Variants in WDR31 observed in about 807,000 individuals in gnomAD.
WDR31 encodes WD repeat domain 31.
Under a neutral mutation model 47.3 loss-of-function variants are expected in WDR31, and 30 were observed. The observed-to-expected ratio is 0.63, with a 90% CI of 0.47 to 0.86. WDR31 has a LOEUF of 0.86. WDR31 is among the 40% of genes least tolerant of loss of function. The pLI is 0.00. For synonymous variants in WDR31, 137 were observed against 159.4 expected, an observed-to-expected ratio of 0.86 and a Z score of 1.06; for missense variants, 406 against 442.9, an observed-to-expected ratio of 0.92 and a Z score of 0.75.
At chr9:113,338,726 C>G (rs996691126) in intron 1 of WDR31, among the ~76,000 whole-genome samples, 1 of 151,884 alleles carries the variant, frequency 6.6e-6, no homozygotes, top group Non-Finnish European at 1.5e-5. Context: ...TCAAGCGATT[C>G]TCCAGCCTCA....
intron 2 of WDR31, among the ~76,000 whole-genome samples, chr9:113,334,610 G>C (rs551649178): frequency 8.0e-5 from 12 of 150,760 alleles, no homozygotes; most frequent in African/African-American, 2.9e-4. Flanking sequence ...CGTGATCTCA[G>C]CCCACTGCAA....
intron 3 of WDR31, among the ~76,000 whole-genome samples, chr9:113,331,639 G>GTA (rs1260234791): frequency 6.6e-6 from 1 of 152,154 alleles, no homozygotes; most frequent in Non-Finnish European, 1.5e-5. Flanking sequence ...TAGAGATGGG[G>GTA]TTTCGCCATG....
intron 2 of WDR31, among the ~76,000 whole-genome samples, chr9:113,335,911 G>A (rs1430760356): frequency 6.6e-6 from 1 of 152,218 alleles, no homozygotes; most frequent in East Asian, 1.9e-4. Context: ...GGCTTGCACA[G>A]TACTGTACAA....
rs562902317 is a variant in WDR31, at chr9:113,329,825, T to C, written c.250-870A>G. Among the ~76,000 whole-genome samples the C allele has an allele frequency of 4.0e-5, 6 of 151,138 alleles. No homozygotes were observed. In the East Asian group the frequency reaches 1.2e-3, roughly 30 times the overall value. On this transcript the variant is annotated intron_variant, in intron 4 of 10. Transcript: ENST00000374193. ...CCCATCTCTACTAAAAAAAATAAAA[T>C]ACAAAATTAGCCGAGTGTGGTGGCA... is the stretch of plus-strand genomic sequence containing the variant.
At chr9:113,336,172 C>G (rs899782304) in intron 2 of WDR31, 116 bp downstream of exon 2, 1 of 152,190 alleles carries the variant, frequency 6.6e-6, no homozygotes, top group Non-Finnish European at 1.5e-5. Context: ...ATTGCAGATG[C>G]TATAAATGGA....
At chr9:113,339,962 T>G (rs10481673) in intron 1 of WDR31, among the ~76,000 whole-genome samples, 3,374 of 152,256 alleles carry the variant, frequency 0.022, 132 homozygotes, top group African/African-American at 0.077. Flanking sequence ...CTCGAACTCC[T>G]GAGCTCAGGC....
intron 1 of WDR31, among the ~76,000 whole-genome samples, 177 bp downstream of exon 1, chr9:113,340,040 C>T (rs2118878554): frequency 6.6e-6 from 1 of 152,310 alleles, no homozygotes; most frequent in Non-Finnish European, 1.5e-5. Context: ...CGGCCTAAAG[C>T]TTATTTTTTA....
At chr9:113,333,616 C>G (rs1371835939) in intron 2 of WDR31, among the ~76,000 whole-genome samples, 1 of 151,282 alleles carries the variant, frequency 6.6e-6, no homozygotes, top group African/African-American at 2.4e-5. Flanking sequence ...CTCCTGACCT[C>G]ATGATCCACC....
rs1463144746 is a variant in WDR31 at position 113,318,591 on chromosome 9, C to T, written c.827G>A (p.Gly276Glu). 2 of 1,614,156 alleles carry T rather than the reference C, an allele frequency of 1.2e-6. No individual in the cohort carries two copies. ...GCAGGATGCGACAGTCTGGAAATGC[C>T]CCTTATACTCACATATTCTGTTTCG... ...QTRNRICEYK[G>E]HFQTVASCVF... The change falls in exon 10 of 11, where the codon GGG becomes GAG. Residue 276 changes from glycine to glutamate, a missense_variant. By Grantham distance (98) the Gly-to-Glu change is moderately conservative. Transcript: ENST00000374193.
At chr9:113,320,539 T>C (rs745527960) in intron 8 of WDR31, 41 bp from the exon 9 acceptor site, 1 of 1,602,460 alleles carries the variant, frequency 6.2e-7, no homozygotes, top group Non-Finnish European at 8.5e-7. Flanking sequence ...GTAGTAAATG[T>C]GGCTGAAATA....
intron 2 of WDR31, among the ~76,000 whole-genome samples, chr9:113,333,953 T>C (rs1282149714): frequency 6.6e-6 from 1 of 151,294 alleles, no homozygotes; most frequent in Non-Finnish European, 1.5e-5. Flanking sequence ...CTCTCCTCCT[T>C]CTTCCTTCTT....
chr9:113,325,932 A>G (rs1833452601), intron 5 of WDR31, among the ~76,000 whole-genome samples: 1 of 151,320 alleles, frequency 6.6e-6, no homozygotes, highest in African/African-American at 2.4e-5. Flanking sequence ...ATTTTTTGAG[A>G]TGGAGTTTCC....
intron 2 of WDR31, 95 bp from the exon 3 acceptor site, chr9:113,332,145 T>A: frequency 1.2e-6 from 1 of 851,420 alleles, no homozygotes; most frequent in Non-Finnish European, 1.8e-6. Context: ...ATTAATTGTA[T>A]GCTTTTGCTT....
Position 113,316,928 on chromosome 9 carries a change from C to T in WDR31, c.944-19G>A, listed in dbSNP as rs1408350541. 4 of 1,611,214 alleles carry T rather than the reference C, an allele frequency of 2.5e-6. No individual in the cohort carries two copies. The highest frequency in any genetic ancestry group is 3.4e-6 in the Non-Finnish European group (4 of 1,178,806). On this transcript the variant is annotated intron_variant, in intron 10 of 10. Coordinates refer to ENST00000374193, the MANE Select transcript of WDR31 (RefSeq NM_001012361.4). Reference sequence around the variant, plus strand: ...AGGCAGGCTGGGGGGGAAAGGGGGACCAGCAGATTAGGCCAAGAGTGTAGC... The same window carrying T: ...AGGCAGGCTGGGGGGGAAAGGGGGATCAGCAGATTAGGCCAAGAGTGTAGC...
chr9:113,333,436 C>CA (rs1833644613), intron 2 of WDR31, among the ~76,000 whole-genome samples: 1 of 142,420 alleles, frequency 7.0e-6, no homozygotes, highest in Admixed American at 7.3e-5. Context: ...CTGCGGACTG[C>CA]AGTGGCGCAA....
chr9:113,322,944 A>G, intron 6 of WDR31, 33 bp from the exon 7 acceptor site: 5 of 1,614,066 alleles, frequency 3.1e-6, no homozygotes, highest in African/African-American at 1.3e-5. Flanking sequence ...ACAGCCTGTG[A>G]GTGGGGACCT....
Position 113,315,935 on chromosome 9 carries a change from A to G in WDR31, c.*814T>C, listed in dbSNP as rs1369922842. 1.3e-5 allele frequency: 2 copies of G among 152,186 alleles called. No individual in the cohort carries two copies. Among genetic ancestry groups the G allele is most frequent in the Admixed American group, 6.5e-5 (1 of 15,270 alleles). 9.4% of individuals were successfully genotyped at this position (152,186 alleles called of 1,614,324 possible). A position where few individuals can be genotyped will look rare whatever the true frequency, so the allele number is the denominator to read the frequency against. On this transcript the variant is annotated 3_prime_UTR_variant, in exon 11 of 11. Transcript: ENST00000374193. ...TCACTCTGGCCATTCCAAAACATAT[A>G]TATGTTTCATTTATATAAATCCAAA... is the stretch of plus-strand genomic sequence containing the variant.
At chr9:113,325,122 T>C (rs962017515) in intron 5 of WDR31, among the ~76,000 whole-genome samples, 3 of 152,102 alleles carry the variant, frequency 2.0e-5, no homozygotes, top group African/African-American at 7.2e-5. Context: ...ATTCTTTTTT[T>C]TTTTTAATTT....
chr9:113,321,420 A>G, intron 8 of WDR31, 91 bp downstream of exon 8: 1 of 1,292,302 alleles, frequency 7.7e-7, no homozygotes, highest in Non-Finnish European at 1.1e-6. Flanking sequence ...GGGCAGAGCA[A>G]TGTGGAGAAT....
Sources: gnomAD v4.1 joint callset for allele counts (sites outside exome capture counted in the v4.1 genomes callset) on GRCh38, gnomAD v4.1.1 for gene constraint, MANE v1.5 for transcripts, NCBI Gene and HGNC (gene_info 2026-07-23, HGNC 2026-07-21) for gene names.